Variants in AHCYL2 observed in about 807,000 individuals in gnomAD.
The protein encoded by AHCYL2 is S-adenosylhomocysteine hydrolase-like protein 2.
Under a neutral mutation model 81.4 loss-of-function variants are expected in AHCYL2, and 28 were observed. The observed-to-expected ratio is 0.34, with a 90% CI of 0.25 to 0.47. The LOEUF is 0.47. Among genes scored for constraint, AHCYL2 ranks in the 20% least tolerant of loss-of-function variants. The pLI is 1.00. For missense variants in AHCYL2, 551 were observed against 785.1 expected (o/e 0.70, Z 3.56); for synonymous variants, 272 against 290.2 (o/e 0.94, Z 0.64).
chr7:129,254,841 C>T (rs978780143), intron 1 of AHCYL2, among the ~76,000 whole-genome samples: 7 of 152,168 alleles, frequency 4.6e-5, no homozygotes, highest in Admixed American at 3.9e-4. Flanking sequence ...AGAAGAAAAG[C>T]GTTCTGAGGT....
chr7:129,329,829 G>A (rs181507490), intron 1 of AHCYL2, among the ~76,000 whole-genome samples: 1 of 152,234 alleles, frequency 6.6e-6, no homozygotes, highest in East Asian at 1.9e-4. Context: ...TGGAAGATGG[G>A]GATAGAATCT....
At chr7:129,349,505 A>G (rs1001988860) in intron 1 of AHCYL2, among the ~76,000 whole-genome samples, 14 of 148,456 alleles carry the variant, frequency 9.4e-5, no homozygotes, top group African/African-American at 3.0e-4. Flanking sequence ...AAAATTAGCC[A>G]GGCGTGGTGG....
At chr7:129,375,217 T>A (rs1303760687) in intron 1 of AHCYL2, among the ~76,000 whole-genome samples, 1 of 152,168 alleles carries the variant, frequency 6.6e-6, no homozygotes, top group Admixed American at 6.5e-5. Context: ...AGGAAAGCAG[T>A]GAACTGAGAA....
intron 2 of AHCYL2, among the ~76,000 whole-genome samples, chr7:129,382,492 C>G (rs1795004610): frequency 6.6e-6 from 1 of 152,106 alleles, no homozygotes; most frequent in South Asian, 2.1e-4. Context: ...CCCAGCTACT[C>G]CGGAGTCTGA....
intron 4 of AHCYL2, among the ~76,000 whole-genome samples, chr7:129,395,442 G>T (rs1290080510): frequency 6.6e-6 from 1 of 152,172 alleles, no homozygotes; most frequent in Non-Finnish European, 1.5e-5. Flanking sequence ...CCTTGAATCT[G>T]TGGTGGGTCT....
At chr7:129,247,326 G>C (rs1440503764) in intron 1 of AHCYL2, among the ~76,000 whole-genome samples, 1 of 152,210 alleles carries the variant, frequency 6.6e-6, no homozygotes, top group Non-Finnish European at 1.5e-5. Flanking sequence ...CATGACTAAT[G>C]ATGTTGAGCA....
intron 1 of AHCYL2, among the ~76,000 whole-genome samples, chr7:129,343,224 T>G (rs1194618314): frequency 6.6e-6 from 1 of 152,212 alleles, no homozygotes; most frequent in Non-Finnish European, 1.5e-5. Context: ...GTAGTGTTTA[T>G]TAAAAGCTCA....
intron 6 of AHCYL2, 37 bp downstream of exon 6, chr7:129,400,421 T>C (rs1795976688): frequency 6.3e-7 from 1 of 1,590,106 alleles, no homozygotes; most frequent in African/African-American, 1.3e-5. Context: ...TCTGTAGGGG[T>C]CAGGAATGGG....
chr7:129,406,499 C>T lies in AHCYL2; in HGVS notation c.1295+33C>T. 6.3e-7 allele frequency: 1 copy of T among 1,599,370 alleles called. No individual in the cohort carries two copies. The highest frequency in any genetic ancestry group is 8.6e-7 in the Non-Finnish European group (1 of 1,166,698). On this transcript the variant is annotated intron_variant, in intron 10 of 16. Coordinates refer to ENST00000325006, the MANE Select transcript of AHCYL2 (RefSeq NM_015328.4). The surrounding 1 kb of genome is among the most constrained non-coding windows in gnomAD (Gnocchi z 4.3). ...TCTACGCTACCATCTCACTTGCAATCTCGGAGCTGTCTCCAAAGAATGGCC... is the reference window on the plus strand; with the variant it reads ...TCTACGCTACCATCTCACTTGCAATTTCGGAGCTGTCTCCAAAGAATGGCC...
rs775140572 is a variant in AHCYL2, at chr7:129,405,227, T to C, written c.1142+14T>C. ...AATTCTTGATGGGTAATGTTTATTA[T>C]CTTTGAGATGAAGTTGTGATGTCCA... is the stretch of plus-strand genomic sequence containing the variant. On this transcript the variant is annotated intron_variant, in intron 8 of 16. Coordinates refer to ENST00000325006, the MANE Select transcript of AHCYL2 (RefSeq NM_015328.4). 6.4e-7 allele frequency: 1 copy of C among 1,571,240 alleles called. No homozygotes were observed. Among genetic ancestry groups the C allele is most frequent in the Non-Finnish European group, 8.7e-7 (1 of 1,154,684 alleles).
chr7:129,246,804 T>G (rs534949713), intron 1 of AHCYL2, among the ~76,000 whole-genome samples: 2 of 152,166 alleles, frequency 1.3e-5, no homozygotes, highest in Non-Finnish European at 2.9e-5. Flanking sequence ...TTCTGGAAAT[T>G]TCATATAAAT....
intron 1 of AHCYL2, among the ~76,000 whole-genome samples, chr7:129,307,907 A>C (rs1797500923): frequency 6.6e-6 from 1 of 151,876 alleles, no homozygotes; most frequent in Non-Finnish European, 1.5e-5. Flanking sequence ...ATGGGACCTT[A>C]TGATCCTGCC....
chr7:129,286,866 T>G (rs1182818857), intron 1 of AHCYL2, among the ~76,000 whole-genome samples: 3 of 152,216 alleles, frequency 2.0e-5, no homozygotes, highest in Non-Finnish European at 2.9e-5. Flanking sequence ...AATTTAAAAA[T>G]ATTGATTGAT....
chr7:129,267,230 GGT>G (rs769745702), intron 1 of AHCYL2, among the ~76,000 whole-genome samples: 160 of 59,210 alleles, frequency 2.7e-3, no homozygotes, highest in African/African-American at 6.4e-3. Context: ...TCACTCAAGG[GGT>G]GTGTGTGTGT....
chr7:129,230,704 C>G lies in AHCYL2; in HGVS notation c.363+5265C>G, dbSNP rs535066490. The stretch of plus-strand genomic sequence containing the variant: ...TCTTCTGCCTCAGCCTCCCGAGTAG[C>G]TGGGACTACAGGTGCACGCCACCAC... On this transcript the variant is annotated intron_variant, in intron 1 of 16. Transcript: ENST00000325006. Among the ~76,000 whole-genome samples, 132 of 151,746 alleles carry G rather than the reference C, an allele frequency of 8.7e-4. 1 individual carries two copies. The highest frequency in any genetic ancestry group is 2.9e-3 in the African/African-American group (121 of 41,348).
At chr7:129,317,193 C>G (rs2150782943) in intron 1 of AHCYL2, among the ~76,000 whole-genome samples, 1 of 152,264 alleles carries the variant, frequency 6.6e-6, no homozygotes, top group East Asian at 1.9e-4. Flanking sequence ...TCTTTTACAT[C>G]TGGGCTTCTT....
At chr7:129,351,391 C>G (rs1793558680) in intron 1 of AHCYL2, 1 of 152,118 alleles carries the variant, frequency 6.6e-6, no homozygotes, top group Non-Finnish European at 1.5e-5. Flanking sequence ...AATATACAAG[C>G]ATACATTCCA....
Position 129,389,176 on chromosome 7 carries a change from G to C in AHCYL2, c.596G>C (p.Arg199Thr). 2 of 1,613,972 alleles carry C rather than the reference G, an allele frequency of 1.2e-6. No homozygotes were observed. The highest frequency in any genetic ancestry group is 1.7e-6 in the Non-Finnish European group (2 of 1,179,912). The change falls in exon 3 of 17, where the codon AGA becomes ACA. Residue 199 changes from arginine to threonine, a missense_variant. This residue lies in a region of AHCYL2 where 316 missense variants were observed against 543.1 expected (regional missense o/e 0.58). Coordinates refer to ENST00000325006, the MANE Select transcript of AHCYL2 (RefSeq NM_015328.4). ...ATCAAACAGGCAGAGTTTGGACGAA[G>C]AGAAATTGAAATTGCTGAACAAGGT... is the stretch of plus-strand genomic sequence containing the variant. Reference protein sequence around the residue: ...KNIKQAEFGRREIEIAEQEMP... With the variant: ...KNIKQAEFGRTEIEIAEQEMP...
chr7:129,377,338 A>G (rs1218026844), intron 1 of AHCYL2, among the ~76,000 whole-genome samples: 3 of 152,144 alleles, frequency 2.0e-5, no homozygotes, highest in African/African-American at 7.2e-5. Context: ...CATTTTTTTT[A>G]GTTCATGAAG....
Sources: allele counts gnomAD v4.1 joint callset (sites outside exome capture counted in the v4.1 genomes callset), GRCh38; gene constraint gnomAD v4.1.1; regional missense constraint gnomAD v4.1.1; non-coding constraint Gnocchi (gnomAD v3.1); transcripts MANE v1.5; gene names NCBI Gene and HGNC (gene_info 2026-07-23, HGNC 2026-07-21).